The following FCRLA variants were observed in gnomAD, a reference collection of about 807,000 sequenced individuals.
FCRLA encodes the protein Fc receptor like A, also known as Fc receptor-like A.
In FCRLA, 26 loss-of-function variants were observed where a neutral mutation model predicts 28.4. The observed-to-expected ratio is 0.91, with a 90% CI of 0.67 to 1.27. The LOEUF (loss-of-function observed/expected upper bound fraction) is 1.27, where lower values mean the gene tolerates loss of function less well. Among genes scored for constraint, FCRLA ranks in the 50% most tolerant of loss-of-function variants. FCRLA has a pLI of 0.00. For missense variants in FCRLA, 422 were observed against 433.1 expected, an observed-to-expected ratio of 0.97 and a Z score of 0.23; for synonymous variants, 174 against 168.5, an observed-to-expected ratio of 1.03 and a Z score of -0.25.
chr1:161,708,768 G>A (rs191672307), intron 1 of FCRLA, among the ~76,000 whole-genome samples: 389 of 152,224 alleles, frequency 2.6e-3, no homozygotes, highest in Non-Finnish European at 4.0e-3. Flanking sequence ...TCTTTTCCAG[G>A]TAGCTTTTCT....
intron 1 of FCRLA, chr1:161,710,384 A>T: frequency 8.2e-7 from 1 of 1,225,842 alleles, no homozygotes; most frequent in Non-Finnish European, 1.2e-6. Flanking sequence ...GCACCCAGTG[A>T]ACATTAGAAT....
At chr1:161,710,642 A>G (rs17405152) in intron 1 of FCRLA, 118 bp from the exon 2 acceptor site, 82,130 of 1,426,580 alleles carry the variant, frequency 0.058, 2,534 homozygotes, top group African/African-American at 0.067. Flanking sequence ...AAAGGTTTTG[A>G]TGTCTTACTA....
chr1:161,708,210 A>C (rs1175286637), intron 1 of FCRLA, among the ~76,000 whole-genome samples: 4 of 152,198 alleles, frequency 2.6e-5, no homozygotes, highest in Non-Finnish European at 5.9e-5. Context: ...TTCTGATCTC[A>C]GCTAATGACA....
chr1:161,711,140 T>C (rs1571063308), intron 2 of FCRLA, 68 bp from the exon 3 acceptor site: 2 of 1,545,950 alleles, frequency 1.3e-6, no homozygotes, highest in East Asian at 4.5e-5. Context: ...TTTAGGGGAG[T>C]AGGCATGCTT....
In FCRLA at chr1:161,710,604, C is replaced by T. The variant is rs893904895; in HGVS notation, c.80-156C>T. On this transcript the variant is annotated intron_variant, in intron 1 of 4. Coordinates refer to ENST00000236938, the MANE Select transcript of FCRLA (RefSeq NM_032738.4). ...CAAGGTCAAAACTATCCCCCTGAGA[C>T]ACTCTCAGGGGTCTTTCCGAAAAAA... 92 of 1,353,530 alleles carry T rather than the reference C, an allele frequency of 6.8e-5. No homozygotes were observed. The African/African-American group carries it at 1.2e-3, about 17-fold the overall frequency. 83.8% of individuals were successfully genotyped at this position (1,353,530 alleles called of 1,614,324 possible).
At chr1:161,709,105 A>G (rs1309100445) in intron 1 of FCRLA, among the ~76,000 whole-genome samples, 1 of 152,104 alleles carries the variant, frequency 6.6e-6, no homozygotes, top group East Asian at 1.9e-4. Context: ...GTGAGTTCCC[A>G]GTAACCCAAC....
At chr1:161,708,282 C>T (rs905698016) in intron 1 of FCRLA, among the ~76,000 whole-genome samples, 1 of 152,160 alleles carries the variant, frequency 6.6e-6, no homozygotes, top group Non-Finnish European at 1.5e-5. Flanking sequence ...CCTTCTTTTT[C>T]ATTCTCTAAA....
chr1:161,710,575 G>A, intron 1 of FCRLA, 185 bp from the exon 2 acceptor site: 5 of 1,478,514 alleles, frequency 3.4e-6, no homozygotes, highest in Non-Finnish European at 4.6e-6. Flanking sequence ...GGACGCCAGT[G>A]AATCAAGGTC....
chr1:161,708,916 G>GT (rs1310299754), intron 1 of FCRLA, among the ~76,000 whole-genome samples: 3 of 152,202 alleles, frequency 2.0e-5, no homozygotes, highest in South Asian at 2.1e-4. Context: ...TAGTGACAAT[G>GT]TTTTTTTGTT....
At chr1:161,710,049 T>G in intron 1 of FCRLA, among the ~76,000 whole-genome samples, 1 of 152,148 alleles carries the variant, frequency 6.6e-6, no homozygotes, top group East Asian at 1.9e-4. Context: ...TGCTGGGTAC[T>G]GAAAGCTCTT....
intron 2 of FCRLA, 67 bp downstream of exon 2, chr1:161,710,979 A>G: frequency 6.3e-7 from 1 of 1,593,732 alleles, no homozygotes; most frequent in African/African-American, 1.3e-5. Flanking sequence ...CCCACCCAGG[A>G]AAGTGTCCCT....
intron 3 of FCRLA, 36 bp downstream of exon 3, chr1:161,711,510 G>T (rs760090571): frequency 5.7e-6 from 9 of 1,584,298 alleles, no homozygotes; most frequent in Non-Finnish European, 7.7e-6. Flanking sequence ...TGGCAGGGGA[G>T]GGTAAGGAGA....
intron 3 of FCRLA, 92 bp downstream of exon 3, chr1:161,711,566 T>C (rs1489650052): frequency 2.7e-6 from 4 of 1,469,264 alleles, no homozygotes; most frequent in Non-Finnish European, 9.2e-7. Flanking sequence ...GGTAGCAAGA[T>C]CATCAACAGA....
rs773153230 is a variant in FCRLA at position 161,711,301 on chromosome 1, A to C, written c.326A>C (p.Gln109Pro). 58 of 1,614,042 alleles carry C rather than the reference A, an allele frequency of 3.6e-5. No individual in the cohort carries two copies. The South Asian group carries it at 6.1e-4, about 17-fold the overall frequency. The change falls in exon 3 of 5, where the codon CAG becomes CCG. Residue 109 changes from glutamine to proline, a missense_variant. Physicochemically the swap from Gln to Pro is moderately conservative, Grantham distance 76 (BLOSUM62 -1). Transcript: ENST00000236938. ...GCCTGGCAAGACTGGCCACTGACTC[A>C]GGTGACCTTCTACCGAGATGGCTCA... ...CQAWQDWPLT[Q>P]VTFYRDGSAL...
intron 2 of FCRLA, 65 bp downstream of exon 2, chr1:161,710,977 G>C (rs1167473054): frequency 3.1e-6 from 5 of 1,595,638 alleles, no homozygotes; most frequent in Non-Finnish European, 4.3e-6. Context: ...AGCCCACCCA[G>C]GAAAGTGTCC....
chr1:161,711,207 G>A lies in FCRLA; in HGVS notation c.233-1G>A. 2 of 1,611,364 alleles carry A rather than the reference G, an allele frequency of 1.2e-6. No homozygotes were observed. Among genetic ancestry groups the A allele is most frequent in the Non-Finnish European group, 1.7e-6 (2 of 1,178,342 alleles). ...CACTCAGCTCTTTCTCTGGACCATA[G>A]ACTGGCTGATCCTCCAAGGTCCAGC... is the stretch of plus-strand genomic sequence containing the variant. On this transcript the variant is annotated splice_acceptor_variant, in intron 2 of 4. Transcript: ENST00000236938. LOFTEE classifies it high-confidence loss of function.
Position 161,713,083 on chromosome 1 carries a change from A to G in FCRLA, c.785-2A>G, listed in dbSNP as rs1683184815. The G allele has an allele frequency of 6.2e-7, 1 of 1,609,604 alleles. No homozygotes were observed. Among genetic ancestry groups the G allele is most frequent in the Non-Finnish European group, 8.5e-7 (1 of 1,178,146 alleles). On this transcript the variant is annotated splice_acceptor_variant, in intron 4 of 4. Transcript: ENST00000236938. LOFTEE classifies it high-confidence loss of function. ...GTATGTGCCTCCTGCCCCATAATTCAGGTGCTTCCAGCTCTGCTGCACCTC... is the reference window on the plus strand; with the variant it reads ...GTATGTGCCTCCTGCCCCATAATTCGGGTGCTTCCAGCTCTGCTGCACCTC...
rs772406356 is a variant in FCRLA at position 161,713,206 on chromosome 1, G to A, written c.906G>A (p.Glu302=). ...PLPPPPTPSS[E]DPGFSSPLGM... Reference sequence around the variant, plus strand: ...CTCCGCCGCCAACCCCATCTTCTGAGGATCCAGGCTTTTCTTCTCCTCTGG... The same window carrying A: ...CTCCGCCGCCAACCCCATCTTCTGAAGATCCAGGCTTTTCTTCTCCTCTGG... Residue 302 remains glutamate, a synonymous_variant, in exon 5 of 5, where the codon GAG becomes GAA. Coordinates refer to ENST00000236938, the MANE Select transcript of FCRLA (RefSeq NM_032738.4). The A allele has an allele frequency of 3.1e-6, 5 of 1,614,218 alleles. No homozygotes were observed. Among genetic ancestry groups the A allele is most frequent in the Non-Finnish European group, 4.2e-6 (5 of 1,180,048 alleles).
intron 4 of FCRLA, among the ~76,000 whole-genome samples, chr1:161,712,647 A>G (rs1258411804): frequency 6.6e-6 from 1 of 152,228 alleles, no homozygotes; most frequent in East Asian, 1.9e-4. Context: ...AAGTCATGTC[A>G]TATGAAAAAT....
Sources: allele counts gnomAD v4.1 joint callset (sites outside exome capture counted in the v4.1 genomes callset), GRCh38; gene constraint gnomAD v4.1.1; transcripts MANE v1.5; gene names NCBI Gene and HGNC (gene_info 2026-07-23, HGNC 2026-07-21).